Variants in IAH1 observed in about 807,000 individuals in gnomAD.
IAH1 encodes the protein isoamyl acetate-hydrolyzing esterase 1 homolog.
In IAH1, 24 loss-of-function variants were observed where a neutral mutation model predicts 26.7. The ratio of observed to expected loss-of-function variants is 0.90; its 90% CI spans 0.65 to 1.26. The LOEUF (loss-of-function observed/expected upper bound fraction) is 1.26, where lower values mean the gene tolerates loss of function less well. Ranked by LOEUF, IAH1 falls within the 50% of genes most tolerant of loss-of-function variation. The probability of loss-of-function intolerance (pLI) is 0.00; values close to 1 mark genes in which losing one functional copy is unlikely to be tolerated. For missense variants in IAH1, 300 were observed against 299.9 expected, an observed-to-expected ratio of 1.00 and a Z score of 0.00; for synonymous variants, 140 against 118.5, an observed-to-expected ratio of 1.18 and a Z score of -1.18.
At position 9,479,735 on chromosome 2, in the gene IAH1, CA is replaced by C. The variant is rs1354246863; in HGVS notation, c.283+1367del. Among the ~76,000 whole-genome samples, 3 of 145,184 alleles carry C rather than the reference CA, an allele frequency of 2.1e-5. No individual in the cohort carries two copies. In the Admixed American group the frequency reaches 2.1e-4, roughly 10 times the overall value. On this transcript the variant is annotated intron_variant, in intron 3 of 5. Transcript: ENST00000497473. ...AAGGGACGGCCCACGTGTAGAAATT[CA>C]ACCTAAGGAAATATTCAGATACGCA...
downstream of IAH1, chr2:9,491,032 G>T: frequency 1.4e-6 from 2 of 1,414,678 alleles, no homozygotes; most frequent in Non-Finnish European, 2.0e-6. Flanking sequence ...GCTGGGTCAG[G>T]TGAAGGTCTT....
chr2:9,507,942 G>C, the IAH1 span, among the ~76,000 whole-genome samples: 1 of 152,060 alleles, frequency 6.6e-6, no homozygotes, highest in Non-Finnish European at 1.5e-5. Context: ...GAACTCCTAG[G>C]CTCAAGTGAT....
chr2:9,481,234 G>T, intron 3 of IAH1, 52 bp from the exon 4 acceptor site: 4 of 1,590,466 alleles, frequency 2.5e-6, no homozygotes. Flanking sequence ...CACCTGAATT[G>T]TCACTTATAA....
Position 9,474,669 on chromosome 2 carries a change from G to A in IAH1, c.81+22G>A. The A allele has an allele frequency of 1.3e-6, 2 of 1,520,634 alleles. No individual in the cohort carries two copies. Among genetic ancestry groups the A allele is most frequent in the South Asian group, 2.4e-5 (2 of 82,888 alleles). The allele number at this position is 1,520,634 out of a possible 1,614,324, so 94.2% of individuals were successfully genotyped here. On this transcript the variant is annotated intron_variant, in intron 1 of 5. Transcript: ENST00000497473. This position sits in a 1 kb window ranked among gnomAD's most constrained non-coding sequence, Gnocchi z 4.3. ...CCAGGTACGGCCGCCCCGACGCTCG[G>A]CCTCCCGCCCCGGCCTCCCTGCGGG...
intron 3 of IAH1, among the ~76,000 whole-genome samples, chr2:9,480,609 T>G (rs570636532): frequency 1.3e-5 from 2 of 152,336 alleles, no homozygotes; most frequent in South Asian, 4.1e-4. Flanking sequence ...ACCGGAAAGA[T>G]ATACATCCAA....
chr2:9,496,758 T>C (rs954131465), downstream of IAH1, among the ~76,000 whole-genome samples: 16 of 152,174 alleles, frequency 1.1e-4, no homozygotes, highest in African/African-American at 3.9e-4. Context: ...GTAATGTAGA[T>C]AGCTACTGCT....
intron 3 of IAH1, among the ~76,000 whole-genome samples, chr2:9,479,716 C>T (rs16867034): frequency 0.017 from 2,577 of 149,806 alleles, 68 homozygotes; most frequent in African/African-American, 0.059. Flanking sequence ...CGCCAAGGGA[C>T]GGCCCACGTG....
At chr2:9,481,104 C>A (rs751978606) in intron 3 of IAH1, among the ~76,000 whole-genome samples, 182 bp from the exon 4 acceptor site, 1 of 152,156 alleles carries the variant, frequency 6.6e-6, no homozygotes, top group Admixed American at 6.5e-5. Flanking sequence ...CCTTTGAAGT[C>A]TTGTTTTATG....
At chr2:9,475,469 A>G (rs1455299618) in intron 1 of IAH1, among the ~76,000 whole-genome samples, 1 of 150,988 alleles carries the variant, frequency 6.6e-6, no homozygotes, top group Non-Finnish European at 1.5e-5. Context: ...TTATTTCCTG[A>G]ACTTAGATTT....
At chr2:9,504,633 C>T in the IAH1 span, among the ~76,000 whole-genome samples, 42 of 149,312 alleles carry the variant, frequency 2.8e-4, no homozygotes, top group African/African-American at 8.1e-4. Flanking sequence ...CATGGTGGTG[C>T]GTGCCTGTAG....
chr2:9,490,148 C>T, downstream of IAH1: 1 of 1,549,324 alleles, frequency 6.5e-7, no homozygotes, highest in Non-Finnish European at 8.8e-7. Flanking sequence ...ATATTTTGCA[C>T]ACTTAAGTCA....
chr2:9,508,558 C>G, the IAH1 span, among the ~76,000 whole-genome samples: 78,852 of 152,008 alleles, frequency 0.52, 21,365 homozygotes, highest in Middle Eastern at 0.67. Context: ...TTCCAGTAAT[C>G]TCACTCATGT....
At chr2:9,496,986 C>T (rs1302000738), downstream of IAH1, 18 of 1,407,296 alleles carry the variant, frequency 1.3e-5, no homozygotes, top group Non-Finnish European at 1.6e-5. Flanking sequence ...TGCCCTTCCC[C>T]ATCCCCTCAT....
At position 9,474,553 on chromosome 2, in the gene IAH1, C is replaced by CCCCCCCCCCCGCGGG; in HGVS notation, c.-14_-13insCCCCCCCCCCGCGGG. The CCCCCCCCCCCGCGGG allele has an allele frequency of 6.8e-7, 1 of 1,463,824 alleles. No homozygotes were observed. Among genetic ancestry groups the CCCCCCCCCCCGCGGG allele is most frequent in the African/African-American group, 1.5e-5 (1 of 68,052 alleles). 90.7% of individuals were successfully genotyped at this position (1,463,824 alleles called of 1,614,324 possible). A position where few individuals can be genotyped will look rare whatever the true frequency, so the allele number is the denominator to read the frequency against. ...CGTGGCTGGCGGCCCCGCCCCGCCCCGCCCGGCTGCTCCATGGCGCTGTGC... is the reference window on the plus strand; with the variant it reads ...CGTGGCTGGCGGCCCCGCCCCGCCCCCCCCCCCCCCGCGGGGCCCGGCTGCTCCATGGCGCTGTGC... On this transcript the variant is annotated 5_prime_UTR_variant, in exon 1 of 6. Coordinates refer to ENST00000497473, the MANE Select transcript of IAH1 (RefSeq NM_001039613.3). The surrounding 1 kb of genome is among the most constrained non-coding windows in gnomAD (Gnocchi z 4.3).
At chr2:9,478,123 G>A (rs1660934554) in intron 2 of IAH1, 99 bp from the exon 3 acceptor site, 1 of 1,099,210 alleles carries the variant, frequency 9.1e-7, no homozygotes, top group Non-Finnish European at 1.3e-6. Flanking sequence ...CACGTGACGG[G>A]TTTAGAATCC....
At chr2:9,505,067 C>T in the IAH1 span, 11 of 1,315,588 alleles carry the variant, frequency 8.4e-6, no homozygotes, top group South Asian at 1.2e-4. Flanking sequence ...ACTCACACCC[C>T]TTTCAGTTGA....
chr2:9,493,078 C>A (rs1454302604), downstream of IAH1: 64 of 1,058,288 alleles, frequency 6.0e-5, no homozygotes, highest in East Asian at 1.8e-3. Context: ...GTGTCAAATG[C>A]CAGAGCTGCT....
intron 5 of IAH1, among the ~76,000 whole-genome samples, chr2:9,487,094 A>G (rs910602950): frequency 1.3e-5 from 2 of 152,066 alleles, no homozygotes; most frequent in Admixed American, 1.3e-4. Flanking sequence ...TTAGCCAGGT[A>G]GCCAGGTATG....
chr2:9,501,212 C>G (rs886392840), downstream of IAH1, among the ~76,000 whole-genome samples: 2 of 151,702 alleles, frequency 1.3e-5, no homozygotes, highest in East Asian at 3.9e-4. Flanking sequence ...AAGAGATGCT[C>G]AAGAAAAATG....
Sources: gnomAD v4.1 joint callset for allele counts (sites outside exome capture counted in the v4.1 genomes callset) on GRCh38, gnomAD v4.1.1 for gene constraint, Gnocchi (gnomAD v3.1) non-coding constraint, MANE v1.5 for transcripts, NCBI Gene and HGNC (gene_info 2026-07-23, HGNC 2026-07-21) for gene names.